Variants in ASIP observed in about 807,000 individuals in gnomAD.
ASIP encodes the protein agouti signaling protein, also known as agouti-signaling protein.
ASIP carries 11 observed loss-of-function variants against 10.3 expected under a neutral mutation model. The ratio of observed to expected loss-of-function variants is 1.07; its 90% CI spans 0.68 to 1.78. The LOEUF is 1.78. Among genes scored for constraint, ASIP ranks in the 40% most tolerant of loss-of-function variants. The probability of loss-of-function intolerance (pLI) is 0.00; values close to 1 mark genes in which losing one functional copy is unlikely to be tolerated. For missense variants in ASIP, 180 were observed against 169.2 expected (o/e 1.06, Z -0.35); for synonymous variants, 70 against 70.8 (o/e 0.99, Z 0.06).
At chr20:34,214,117 G>T in intron 1 of ASIP, 1 of 1,126,672 alleles carries the variant, frequency 8.9e-7, no homozygotes, top group Non-Finnish European at 1.4e-6. Flanking sequence ...AAGGACTGGT[G>T]GCCATTCTCA....
intron 1 of ASIP, chr20:34,246,177 C>T: frequency 8.9e-7 from 1 of 1,128,028 alleles, no homozygotes; most frequent in Non-Finnish European, 1.3e-6. Context: ...TTCTTCTTTG[C>T]TCTAGGAATT....
chr20:34,257,076 T>TTTTTTTGTTTTTTG (rs547414410), intron 1 of ASIP, among the ~76,000 whole-genome samples: 37 of 151,228 alleles, frequency 2.4e-4, no homozygotes, highest in Middle Eastern at 3.4e-3. Context: ...TTCTCTTTTT[T>TTTTTTTGTTTTTTG]TTTTTTGTTT....
At chr20:34,197,241 C>T (rs1315106518) in intron 1 of ASIP, among the ~76,000 whole-genome samples, 2 of 151,960 alleles carry the variant, frequency 1.3e-5, no homozygotes, top group Admixed American at 6.6e-5. Flanking sequence ...GGTGTGATGG[C>T]GGGTGCCTAC....
upstream of ASIP, among the ~76,000 whole-genome samples, chr20:34,192,351 G>A (rs1035625120): frequency 1.3e-5 from 2 of 152,098 alleles, no homozygotes; most frequent in African/African-American, 4.8e-5. Context: ...TTGAAACAGC[G>A]TCTCGCTCTC....
chr20:34,241,937 T>C (rs1300381647), intron 1 of ASIP, among the ~76,000 whole-genome samples: 4 of 152,220 alleles, frequency 2.6e-5, no homozygotes, highest in African/African-American at 9.6e-5. Context: ...TTATTAGAGA[T>C]GAAACAGATG....
At chr20:34,192,943 TTG>T (rs2034833623), upstream of ASIP, among the ~76,000 whole-genome samples, 1 of 152,238 alleles carries the variant, frequency 6.6e-6, no homozygotes, top group Non-Finnish European at 1.5e-5. Flanking sequence ...GCGTTTATCA[TTG>T]TGTTAGGAAT....
chr20:34,266,328 T>A (rs2035785347), intron 3 of ASIP, among the ~76,000 whole-genome samples: 1 of 148,886 alleles, frequency 6.7e-6, no homozygotes, highest in African/African-American at 2.5e-5. Flanking sequence ...CCAGCCTGGG[T>A]GACAGAGCGA....
chr20:34,236,074 GAGAA>G (rs1406793111), intron 1 of ASIP, among the ~76,000 whole-genome samples: 1 of 141,644 alleles, frequency 7.1e-6, no homozygotes, highest in Non-Finnish European at 1.5e-5. Context: ...GAGAAAGAAA[GAGAA>G]AGAGAAGGAA....
Position 34,204,004 on chromosome 20 carries a change from G to A in ASIP, c.-11+9244G>A, listed in dbSNP as rs141602824. Among the ~76,000 whole-genome samples, 335 of 152,284 alleles carry A rather than the reference G, an allele frequency of 2.2e-3. 3 individuals carry two copies. The highest frequency in any genetic ancestry group is 7.7e-3 in the African/African-American group (320 of 41,576). On this transcript the variant is annotated intron_variant, in intron 1 of 3. Transcript: ENST00000568305. ...GCCTCAAAGTTCTGGGATTACAGGC[G>A]TGAGCCACCACGCCCGGCCATAAAT...
chr20:34,222,420 G>C (rs1397452350), intron 1 of ASIP, among the ~76,000 whole-genome samples: 1 of 152,128 alleles, frequency 6.6e-6, no homozygotes, highest in Admixed American at 6.5e-5. Flanking sequence ...AAGGACCCAT[G>C]ACTCAGAATC....
At chr20:34,186,758 AT>A in the ASIP span, among the ~76,000 whole-genome samples, 1 of 152,188 alleles carries the variant, frequency 6.6e-6, no homozygotes, top group African/African-American at 2.4e-5. Context: ...ATTCACTTAT[AT>A]TTGACTTTGG....
At chr20:34,202,079 T>TAAA (rs200525186) in intron 1 of ASIP, among the ~76,000 whole-genome samples, 2 of 139,510 alleles carry the variant, frequency 1.4e-5, no homozygotes, top group East Asian at 2.0e-4. Context: ...GATAAAATTG[T>TAAA]AAAAAAAAAA....
At chr20:34,188,278 T>C in the ASIP span, among the ~76,000 whole-genome samples, 1 of 152,250 alleles carries the variant, frequency 6.6e-6, no homozygotes, top group African/African-American at 2.4e-5. Flanking sequence ...GGGGAACTCA[T>C]TAGCCTGCTT....
At chr20:34,193,849 G>A (rs2034838660), upstream of ASIP, among the ~76,000 whole-genome samples, 1 of 152,198 alleles carries the variant, frequency 6.6e-6, no homozygotes, top group Non-Finnish European at 1.5e-5. Context: ...GCAGGCATAA[G>A]TGCAAATTTT....
intron 1 of ASIP, among the ~76,000 whole-genome samples, chr20:34,207,767 CATTTATTTATTT>C (rs147074537): frequency 0.13 from 18,929 of 149,366 alleles, 4,107 homozygotes; most frequent in African/African-American, 0.44. Flanking sequence ...TTTCCAGCAC[CATTTATTTATTT>C]ATTTATTTAT....
chr20:34,266,141 CAGG>C (rs2035780331), intron 3 of ASIP, among the ~76,000 whole-genome samples: 1 of 149,380 alleles, frequency 6.7e-6, no homozygotes, highest in Non-Finnish European at 1.5e-5. Flanking sequence ...ACCACAAGGT[CAGG>C]AGATCAAGAC....
At chr20:34,198,158 C>G (rs1198596939) in intron 1 of ASIP, among the ~76,000 whole-genome samples, 1 of 150,234 alleles carries the variant, frequency 6.7e-6, no homozygotes, top group Admixed American at 6.7e-5. Context: ...CCAGGATCTG[C>G]TTCTGCATTT....
rs113368131 is a variant in ASIP, at chr20:34,213,615, C to T, written c.-11+18855C>T. 1.3e-5 allele frequency: 20 copies of T among 1,565,924 alleles called. No homozygotes were observed. The East Asian group carries it at 1.3e-4, about 11-fold the overall frequency. On this transcript the variant is annotated intron_variant, in intron 1 of 3. Coordinates refer to the ASIP transcript ENST00000568305. ...GGGATACTTGTACCTTGAATTTGGC[C>T]GTAATCTGGTTGATAAGAGGAATGA...
rs2035193130 is a variant in ASIP, at chr20:34,235,899, A to AGGGAAG, written c.-10-24466_-10-24465insGGGAAG. Among the ~76,000 whole-genome samples the AGGGAAG allele has an allele frequency of 9.3e-5, 6 of 64,622 alleles. No homozygotes were observed. In the African/African-American group the frequency reaches 1.5e-3, roughly 16 times the overall value. 42.4% of individuals were successfully genotyped at this position (64,622 alleles called of 152,430 possible). ...GAAGGAAGGAAGGAAGGAAGGAAGG[A>AGGGAAG]AAGGAAGGAAGGAAGGAAGGAAGGA... On this transcript the variant is annotated intron_variant, in intron 1 of 3. Coordinates refer to the ASIP transcript ENST00000568305.
Sources: allele counts gnomAD v4.1 joint callset (sites outside exome capture counted in the v4.1 genomes callset), GRCh38; gene constraint gnomAD v4.1.1; transcripts MANE v1.5; gene names NCBI Gene and HGNC (gene_info 2026-07-23, HGNC 2026-07-21).